Variants in PLCB1 observed in about 807,000 individuals in gnomAD.
PLCB1 encodes the protein phospholipase C beta 1.
In PLCB1, 46 loss-of-function variants were observed where a neutral mutation model predicts 161.8. That is an observed-to-expected ratio of 0.28 (90% CI 0.22 to 0.36). The LOEUF is 0.36. Among genes scored for constraint, PLCB1 ranks in the 10% least tolerant of loss-of-function variants. PLCB1 has a pLI of 1.00. For synonymous variants in PLCB1, 517 were observed against 503.7 expected (o/e 1.03, Z -0.35); for missense variants, 1,016 against 1,472.5 (o/e 0.69, Z 5.07).
In PLCB1 at chr20:8,417,332, A is replaced by G. The variant is rs1368115334; in HGVS notation, c.246+45882A>G. Among the ~76,000 whole-genome samples, 3 of 151,298 alleles carry G rather than the reference A, an allele frequency of 2.0e-5. No homozygotes were observed. In the East Asian group the frequency reaches 5.8e-4, roughly 29 times the overall value. On this transcript the variant is annotated intron_variant, in intron 3 of 31. Coordinates refer to ENST00000338037, the MANE Select transcript of PLCB1 (RefSeq NM_015192.4). The stretch of plus-strand genomic sequence containing the variant: ...TTTGTCTCTGGTGTGTGTATATATT[A>G]TGTATACACACACATATATAACATA...
intron 3 of PLCB1, among the ~76,000 whole-genome samples, chr20:8,558,651 G>A (rs1986043674): frequency 6.6e-6 from 1 of 151,878 alleles, no homozygotes; most frequent in African/African-American, 2.4e-5. Flanking sequence ...TAATCAAACT[G>A]TTGAAAGCTC....
chr20:8,625,316 C>G (rs1243314136), intron 3 of PLCB1: 1 of 152,112 alleles, frequency 6.6e-6, no homozygotes, highest in East Asian at 1.9e-4. Context: ...CTTGAAGGTA[C>G]AAGTGTCTTT....
intron 3 of PLCB1, among the ~76,000 whole-genome samples, chr20:8,411,790 A>G (rs932225584): frequency 6.6e-6 from 1 of 152,174 alleles, no homozygotes; most frequent in Admixed American, 6.5e-5. Context: ...TTGGGAGGCC[A>G]AGGCCAGTGG....
intron 2 of PLCB1, among the ~76,000 whole-genome samples, chr20:8,179,888 C>A (rs2423346): frequency 8.4e-6 from 1 of 119,044 alleles, no homozygotes; most frequent in Non-Finnish European, 1.7e-5. Flanking sequence ...AGACGGAGTC[C>A]CTCTCTGTCG....
chr20:8,707,405 G>A (rs144114343), intron 11 of PLCB1, among the ~76,000 whole-genome samples: 3 of 152,242 alleles, frequency 2.0e-5, no homozygotes, highest in African/African-American at 4.8e-5. Context: ...AAAAACAAGT[G>A]TATGGGAATA....
At chr20:8,158,937 A>G (rs960422693) in intron 2 of PLCB1, among the ~76,000 whole-genome samples, 8 of 151,954 alleles carry the variant, frequency 5.3e-5, no homozygotes, top group African/African-American at 1.9e-4. Context: ...GGCTGCTTTC[A>G]TGGGCTGGCA....
intron 31 of PLCB1, among the ~76,000 whole-genome samples, chr20:8,865,188 T>G (rs1987385505): frequency 6.6e-6 from 1 of 152,164 alleles, no homozygotes; most frequent in Admixed American, 6.5e-5. Context: ...GAGAAAGAGA[T>G]AAACATTGAT....
chr20:8,882,100 G>A lies in PLCB1; in HGVS notation c.*251G>A, dbSNP rs960873879. On this transcript the variant is annotated 3_prime_UTR_variant, in exon 32 of 32. Coordinates refer to ENST00000338037, the MANE Select transcript of PLCB1 (RefSeq NM_015192.4). Reference sequence around the variant, plus strand: ...TGAGATTTTTGTTTTCTTTCCAATAGCAAATTCAAAGCAAGCAACTTGCAG... The same window carrying A: ...TGAGATTTTTGTTTTCTTTCCAATAACAAATTCAAAGCAAGCAACTTGCAG... 5.1e-6 allele frequency: 2 copies of A among 391,532 alleles called. No individual in the cohort carries two copies. Among genetic ancestry groups the A allele is most frequent in the Non-Finnish European group, 4.6e-6 (1 of 218,296 alleles). The allele number at this position is 391,532 out of a possible 1,614,324, so 24.3% of individuals were successfully genotyped here. A position where few individuals can be genotyped will look rare whatever the true frequency, so the allele number is the denominator to read the frequency against.
intron 31 of PLCB1, among the ~76,000 whole-genome samples, chr20:8,848,559 C>A (rs1272046590): frequency 6.6e-6 from 1 of 152,216 alleles, no homozygotes; most frequent in African/African-American, 2.4e-5. Context: ...TGCCAGAAAC[C>A]TGGGACAAAG....
intron 3 of PLCB1, among the ~76,000 whole-genome samples, chr20:8,563,139 A>G (rs932821435): frequency 1.3e-5 from 2 of 152,068 alleles, no homozygotes; most frequent in Non-Finnish European, 2.9e-5. Context: ...GAAAATTCTC[A>G]ATTGGAGTAG....
Position 8,738,331 on chromosome 20 carries a change from A to T in PLCB1, c.2209-930A>T, listed in dbSNP as rs977123019. Among the ~76,000 whole-genome samples, 17 of 152,290 alleles carry T rather than the reference A, an allele frequency of 1.1e-4. No individual in the cohort carries two copies. The East Asian group carries it at 3.3e-3, about 29-fold the overall frequency. ...TGTAAAAGTGTTCCTATTTCTCCAC[A>T]TCCTCTCCAGCACCTGTTGTTTCCT... On this transcript the variant is annotated intron_variant, in intron 20 of 31. Transcript: ENST00000338037.
intron 3 of PLCB1, among the ~76,000 whole-genome samples, chr20:8,525,499 A>G (rs1008408768): frequency 1.1e-4 from 16 of 152,174 alleles, no homozygotes; most frequent in Non-Finnish European, 1.9e-4. Context: ...TTTCACACTA[A>G]AAAACTGTAC....
intron 2 of PLCB1, among the ~76,000 whole-genome samples, chr20:8,209,882 T>C (rs1253604509): frequency 1.3e-5 from 2 of 152,148 alleles, no homozygotes; most frequent in African/African-American, 4.8e-5. Context: ...CTGTTACCCA[T>C]GCTAGAGTGC....
intron 11 of PLCB1, among the ~76,000 whole-genome samples, chr20:8,702,364 T>C (rs563132514): frequency 1.4e-4 from 21 of 152,096 alleles, no homozygotes; most frequent in Non-Finnish European, 2.5e-4. Flanking sequence ...CCAGGGTGGT[T>C]TTTCTCCCTT....
intron 31 of PLCB1, among the ~76,000 whole-genome samples, chr20:8,852,444 G>A (rs1470503518): frequency 1.3e-5 from 2 of 152,108 alleles, no homozygotes; most frequent in Admixed American, 6.5e-5. Flanking sequence ...TGACATCAGG[G>A]CCTCTGTCCC....
rs148441581 is a variant in PLCB1, at chr20:8,801,088, A to G, written c.3423+10827A>G. On this transcript the variant is annotated intron_variant, in intron 31 of 31. Transcript: ENST00000338037. ...GCTCCCATAATCCTCTAAAAGTCCAATACAGTCTAACTCCACTTTTGCTGC... is the reference window on the plus strand; with the variant it reads ...GCTCCCATAATCCTCTAAAAGTCCAGTACAGTCTAACTCCACTTTTGCTGC... 6.5e-4 allele frequency among the ~76,000 whole-genome samples: 99 copies of G among 152,176 alleles called. 1 individual carries two copies. In the East Asian group the frequency reaches 0.019, roughly 29 times the overall value.
At chr20:8,757,995 A>C (rs143469753) in intron 24 of PLCB1, among the ~76,000 whole-genome samples, 1 of 151,946 alleles carries the variant, frequency 6.6e-6, no homozygotes, top group Non-Finnish European at 1.5e-5. Context: ...ACCCCAGTAG[A>C]TGGGAGGCTT....
At position 8,603,480 on chromosome 20, in the gene PLCB1, C is replaced by G. The variant is rs191003825; in HGVS notation, c.247-24814C>G. 1.9e-3 allele frequency among the ~76,000 whole-genome samples: 291 copies of G among 152,334 alleles called. 4 individuals are homozygous for G. Among genetic ancestry groups the G allele is most frequent in the African/African-American group, 6.7e-3 (278 of 41,564 alleles). On this transcript the variant is annotated intron_variant, in intron 3 of 31. Transcript: ENST00000338037. Reference sequence around the variant, plus strand: ...CTGGCTCCAAATGGGCCACTGCTCTCTCTACAAAGAGGAGGGAGCCTTCAA... The same window carrying G: ...CTGGCTCCAAATGGGCCACTGCTCTGTCTACAAAGAGGAGGGAGCCTTCAA...
At chr20:8,196,855 C>T (rs1600228619) in intron 2 of PLCB1, among the ~76,000 whole-genome samples, 2 of 150,212 alleles carry the variant, frequency 1.3e-5, no homozygotes, top group South Asian at 4.2e-4. Flanking sequence ...TGTGTGATGT[C>T]CCCCTTCCTG....
Sources: gnomAD v4.1 joint callset for allele counts (sites outside exome capture counted in the v4.1 genomes callset) on GRCh38, gnomAD v4.1.1 for gene constraint, MANE v1.5 for transcripts, NCBI Gene and HGNC (gene_info 2026-07-23, HGNC 2026-07-21) for gene names.